ITGAL: variants seen among roughly 807,000 people sequenced by gnomAD.
The protein encoded by ITGAL is integrin subunit alpha L.
In ITGAL, 68 loss-of-function variants were observed where a neutral mutation model predicts 138.4. The observed-to-expected ratio is 0.49, with a 90% CI of 0.40 to 0.60. The LOEUF (loss-of-function observed/expected upper bound fraction) is 0.60. Ranked by LOEUF, ITGAL falls within the 20% of genes least tolerant of loss-of-function variation. The pLI, the probability that ITGAL is intolerant of heterozygous loss-of-function variation, is 0.00. For missense variants in ITGAL, 1,256 were observed against 1,478.6 expected (o/e 0.85, Z 2.47); for synonymous variants, 561 against 584.3 (o/e 0.96, Z 0.57).
chr16:30,484,622 A>G (rs1196729572), intron 9 of ITGAL, among the ~76,000 whole-genome samples: 1 of 148,638 alleles, frequency 6.7e-6, no homozygotes, highest in African/African-American at 2.5e-5. Context: ...AAAATAAAAA[A>G]CAAAAAACAA....
intron 11 of ITGAL, among the ~76,000 whole-genome samples, chr16:30,489,896 G>A (rs918106427): frequency 1.1e-4 from 16 of 151,250 alleles, no homozygotes; most frequent in East Asian, 3.9e-4. Context: ...AGATCACGCA[G>A]CTGCGCACCA....
chr16:30,505,746 C>T (rs1445933297), intron 20 of ITGAL, among the ~76,000 whole-genome samples: 2 of 152,074 alleles, frequency 1.3e-5, no homozygotes, highest in Non-Finnish European at 2.9e-5. Context: ...TAGCTGGGCA[C>T]GGTGGCTCAT....
chr16:30,484,211 G>A lies in ITGAL; in HGVS notation c.954G>A (p.Glu318=), dbSNP rs750830071. 7 of 1,614,116 alleles carry A rather than the reference G, an allele frequency of 4.3e-6. No individual in the cohort carries two copies. Among genetic ancestry groups the A allele is most frequent in the Non-Finnish European group, 5.9e-6 (7 of 1,180,026 alleles). The stretch of plus-strand genomic sequence containing the variant: ...TTGTGAAAATTCTGGACACATTTGA[G>A]AAGCTGAAAGATCTATTCACTGAGC... ...SEFVKILDTF[E]KLKDLFTELQ... The change falls in exon 9 of 31, where the codon GAG becomes GAA. Residue 318 remains glutamate (E), a synonymous_variant. Transcript: ENST00000356798.
chr16:30,519,630 C>T (rs976556542), intron 29 of ITGAL: 3 of 525,560 alleles, frequency 5.7e-6, no homozygotes, highest in East Asian at 3.3e-5. Context: ...GAGCTGCGTG[C>T]GATTCCGGGG....
intron 18 of ITGAL, chr16:30,505,017 T>TG: frequency 3.2e-6 from 1 of 312,776 alleles, no homozygotes; most frequent in Non-Finnish European, 5.6e-6. Flanking sequence ...TAAGACAGTC[T>TG]TAAAAAAAAA....
Position 30,504,283 on chromosome 16 carries a change from G to T in ITGAL, c.2235+19G>T. ...AAGGGCGGTAAGAAGAGATGGCTAGGGATGGTGGGGAGTTTATCAGAGAAA... is the reference window on the plus strand; with the variant it reads ...AAGGGCGGTAAGAAGAGATGGCTAGTGATGGTGGGGAGTTTATCAGAGAAA... On this transcript the variant is annotated intron_variant, in intron 18 of 30. Coordinates refer to ENST00000356798, the MANE Select transcript of ITGAL (RefSeq NM_002209.3). 1 of 1,571,778 alleles carries T rather than the reference G, an allele frequency of 6.4e-7. No individual in the cohort carries two copies. The highest frequency in any genetic ancestry group is 1.1e-5 in the South Asian group (1 of 90,170).
intron 4 of ITGAL, among the ~76,000 whole-genome samples, chr16:30,475,862 C>T (rs991138855): frequency 4.0e-5 from 6 of 150,902 alleles, no homozygotes; most frequent in African/African-American, 1.5e-4. Flanking sequence ...AGTAATCCTC[C>T]CACCTCAGCC....
rs771034344 is a variant in ITGAL at position 30,496,422 on chromosome 16, T to C, written c.1702-14T>C. ...CTCTCCTCAGCTTAGTGGCAATTTC[T>C]TTCTTGCTCTCAGCGGATAGAAGGG... On this transcript the variant is annotated splice_polypyrimidine_tract_variant and intron_variant, in intron 14 of 30. Transcript: ENST00000356798. 37 of 1,614,060 alleles carry C rather than the reference T, an allele frequency of 2.3e-5. No individual in the cohort carries two copies. Among genetic ancestry groups the C allele is most frequent in the Non-Finnish European group, 3.1e-5 (36 of 1,179,990 alleles).
chr16:30,489,436 G>A (rs1168838196), intron 11 of ITGAL, 50 bp downstream of exon 11: 1 of 1,596,540 alleles, frequency 6.3e-7, no homozygotes, highest in Admixed American at 1.7e-5. Flanking sequence ...GAGGTCAGAT[G>A]GTCGCTCAGC....
chr16:30,498,497 A>G (rs1217631409), intron 15 of ITGAL, among the ~76,000 whole-genome samples: 2 of 152,180 alleles, frequency 1.3e-5, no homozygotes, highest in Non-Finnish European at 2.9e-5. Flanking sequence ...GAAGGCTTAA[A>G]CATAAGCATG....
In ITGAL at chr16:30,496,190, G is replaced by A. The variant is rs530715206; in HGVS notation, c.1597G>A (p.Gly533Ser). 126 of 1,614,040 alleles carry A rather than the reference G, an allele frequency of 7.8e-5. No homozygotes were observed. In the South Asian group the frequency reaches 9.9e-4, roughly 13 times the overall value. The change falls in exon 14 of 31, where the codon GGC becomes AGC. Residue 533 changes from glycine to serine, a missense_variant. Physicochemically the swap from Gly to Ser is moderately conservative, Grantham distance 56 (BLOSUM62 0). Transcript: ENST00000356798. ...CATCACTGCTCTGACAGACATCAACGGCGATGGGCTGGTAGACGTGGCTGT... is the reference window on the plus strand; with the variant it reads ...CATCACTGCTCTGACAGACATCAACAGCGATGGGCTGGTAGACGTGGCTGT... ...EAITALTDIN[G>S]DGLVDVAVGA...
At chr16:30,489,461 A>T (rs2050694263) in intron 11 of ITGAL, 75 bp downstream of exon 11, 1 of 1,491,794 alleles carries the variant, frequency 6.7e-7, no homozygotes, top group African/African-American at 1.4e-5. Flanking sequence ...CTTCCAAAAC[A>T]ATAATGAAAG....
intron 30 of ITGAL, 121 bp downstream of exon 30, chr16:30,520,088 C>G: frequency 1.4e-6 from 1 of 696,450 alleles, no homozygotes; most frequent in Non-Finnish European, 2.5e-6. Context: ...GCCTCAGAGC[C>G]AGGGGGCCTC....
chr16:30,499,223 C>G lies in ITGAL; in HGVS notation c.1982C>G (p.Pro661Arg). ...TICFQIKSLI[P>R]QFQGRLVANL... is the part of the protein sequence containing the mutation. The stretch of plus-strand genomic sequence containing the variant: ...TGTTTCCAGATCAAGTCTCTCATCC[C>G]CCAGTTCCAAGGTCAGAGCTCTCCT... Residue 661 changes from proline (P) to arginine (R), a missense_variant, in exon 16 of 31, where the codon CCC becomes CGC. This residue lies in a region of ITGAL where 867 missense variants were observed against 972.5 expected (regional missense o/e 0.89). Transcript: ENST00000356798. The G allele has an allele frequency of 6.2e-7, 1 of 1,614,144 alleles. No individual in the cohort carries two copies. The highest frequency in any genetic ancestry group is 8.5e-7 in the Non-Finnish European group (1 of 1,180,018).
At chr16:30,481,619 T>C in intron 7 of ITGAL, 35 bp downstream of exon 7, 1 of 1,607,580 alleles carries the variant, frequency 6.2e-7, no homozygotes, top group Non-Finnish European at 8.5e-7. Flanking sequence ...ACGTGTCCTG[T>C]GATTTGTTCT....
rs1051461018 is a variant in ITGAL, at chr16:30,475,360, C to T, written c.219C>T (p.Cys73=). 6.2e-7 allele frequency: 1 copy of T among 1,613,916 alleles called. No homozygotes were observed. The highest frequency in any genetic ancestry group is 8.5e-7 in the Non-Finnish European group (1 of 1,179,886). Residue 73 remains cysteine (C), a synonymous_variant, in exon 3 of 31, where the codon TGC becomes TGT. Transcript: ENST00000356798. ...ACAGCACAGGAAGCCTCTATCAGTG[C>T]CAGTCGGGCACAGGACACTGCCTGC... ...EGNSTGSLYQ[C]QSGTGHCLPV...
chr16:30,492,187 A>T (rs1429038871), intron 11 of ITGAL, among the ~76,000 whole-genome samples: 7 of 152,042 alleles, frequency 4.6e-5, no homozygotes, highest in Non-Finnish European at 1.0e-4. Flanking sequence ...GGTATCTTAG[A>T]GGAAAGAACC....
chr16:30,480,290 C>A (rs1216188007), intron 6 of ITGAL, among the ~76,000 whole-genome samples: 1 of 152,166 alleles, frequency 6.6e-6, no homozygotes, highest in Admixed American at 6.5e-5. Context: ...TTTTCTCAGT[C>A]TCCGTAGACT....
At chr16:30,491,044 A>T (rs2151153555) in intron 11 of ITGAL, among the ~76,000 whole-genome samples, 1 of 151,328 alleles carries the variant, frequency 6.6e-6, no homozygotes, top group South Asian at 2.1e-4. Flanking sequence ...CTGAGATGGG[A>T]GGATCACTTG....
Sources: gnomAD v4.1 joint callset for allele counts (sites outside exome capture counted in the v4.1 genomes callset) on GRCh38, gnomAD v4.1.1 for gene constraint, gnomAD v4.1.1 regional missense constraint, MANE v1.5 for transcripts, NCBI Gene and HGNC (gene_info 2026-07-23, HGNC 2026-07-21) for gene names.